The following UBE2Q2 variants were observed in gnomAD, a reference collection of about 807,000 sequenced individuals.
UBE2Q2 encodes the protein ubiquitin conjugating enzyme E2 Q2, also known as ubiquitin-conjugating enzyme E2 Q2.
UBE2Q2 carries 54 observed loss-of-function variants against 59.9 expected under a neutral mutation model. The observed-to-expected ratio is 0.90, with a 90% CI of 0.72 to 1.13. The LOEUF is 1.13. Among genes scored for constraint, UBE2Q2 ranks in the 50% most tolerant of loss-of-function variants. The pLI is 0.00. For missense variants in UBE2Q2, 433 were observed against 441.9 expected (o/e 0.98, Z 0.18); for synonymous variants, 165 against 155.2 (o/e 1.06, Z -0.47).
At chr15:75,892,176 T>C (rs898052166) in intron 11 of UBE2Q2, among the ~76,000 whole-genome samples, 15 of 152,284 alleles carry the variant, frequency 9.9e-5, no homozygotes, top group African/African-American at 3.1e-4. Flanking sequence ...TTGTGCAAGA[T>C]GGTAAAGTGG....
At chr15:75,899,299 A>AT in intron 12 of UBE2Q2, 128 bp from the exon 13 acceptor site, 2 of 287,524 alleles carry the variant, frequency 7.0e-6, no homozygotes, top group Non-Finnish European at 6.1e-6. Context: ...TAATATATAT[A>AT]TATATTTTTT....
chr15:75,899,446 G>T lies in UBE2Q2; in HGVS notation c.1116G>T (p.Lys372Asn). The change falls in exon 13 of 13, where the codon AAG (lysine) becomes AAT (asparagine). Residue 372 changes from lysine to asparagine, a missense_variant. Transcript: ENST00000267938. ...TTTCAGGCTGGTACACCCCTCCAAA[G>T]GAAGATGGCTAAATGTGTTGACTGT... ...HEKNGWYTPP[K>N]EDG The T allele has an allele frequency of 6.3e-7, 1 of 1,592,266 alleles. No homozygotes were observed. Among genetic ancestry groups the T allele is most frequent in the Admixed American group, 1.7e-5 (1 of 57,780 alleles).
At chr15:75,897,834 A>G (rs1013368358) in intron 12 of UBE2Q2, among the ~76,000 whole-genome samples, 1 of 152,092 alleles carries the variant, frequency 6.6e-6, no homozygotes, top group African/African-American at 2.4e-5. Flanking sequence ...CCATGCCTGT[A>G]AAGTATTCTT....
intron 8 of UBE2Q2, among the ~76,000 whole-genome samples, chr15:75,881,592 A>G (rs555795212): frequency 1.3e-5 from 2 of 152,308 alleles, no homozygotes; most frequent in African/African-American, 2.4e-5. Context: ...CCAAGTTATT[A>G]GTATCGGGAT....
rs1388420050 is a variant in UBE2Q2, at chr15:75,883,440, T to G, written c.884+16T>G. 6.3e-7 allele frequency: 1 copy of G among 1,598,664 alleles called. No homozygotes were observed. Among genetic ancestry groups the G allele is most frequent in the East Asian group, 2.2e-5 (1 of 44,738 alleles). ...TCTCAGGAGGGTAAGTTTAAGTGAC[T>G]ACTTAAAAAGAAATTTTTTTCAGTT... is the stretch of plus-strand genomic sequence containing the variant. On this transcript the variant is annotated intron_variant, in intron 9 of 12. Coordinates refer to ENST00000267938, the MANE Select transcript of UBE2Q2 (RefSeq NM_173469.4).
chr15:75,890,529 T>C (rs768080264), intron 10 of UBE2Q2, 46 bp downstream of exon 10: 25 of 1,548,072 alleles, frequency 1.6e-5, no homozygotes, highest in Non-Finnish European at 2.2e-5. Context: ...ATTTAGTGTT[T>C]TGATCATGTA....
At chr15:75,886,526 T>C (rs934787099) in intron 9 of UBE2Q2, among the ~76,000 whole-genome samples, 3 of 152,164 alleles carry the variant, frequency 2.0e-5, no homozygotes, top group Non-Finnish European at 4.4e-5. Flanking sequence ...CAAAATCTTA[T>C]TTGAGAGAAA....
rs934886702 is a variant in UBE2Q2 at position 75,879,109 on chromosome 15, A to G, written c.746A>G (p.Asp249Gly). 6.3e-7 allele frequency: 1 copy of G among 1,581,460 alleles called. No homozygotes were observed. The highest frequency in any genetic ancestry group is 8.6e-7 in the Non-Finnish European group (1 of 1,166,974). The change falls in exon 8 of 13, where the codon GAT (aspartate) becomes GGT (glycine). Residue 249 changes from aspartate to glycine, a missense_variant. Transcript: ENST00000267938. ...TTTGTAATTCTTAGGGTTGACCCTG[A>G]TAGTCCTTTGCACAGTGATCTTCAG... is the stretch of plus-strand genomic sequence containing the variant. ...WHVKLQKVDP[D>G]SPLHSDLQIL... is the part of the protein sequence containing the mutation.
intron 5 of UBE2Q2, among the ~76,000 whole-genome samples, chr15:75,875,201 T>C (rs1020724437): frequency 3.3e-5 from 5 of 152,208 alleles, no homozygotes; most frequent in African/African-American, 1.2e-4. Context: ...ACATTTAGTC[T>C]TCATAGCCAC....
At chr15:75,878,521 C>T (rs1433937727) in intron 7 of UBE2Q2, among the ~76,000 whole-genome samples, 1 of 148,410 alleles carries the variant, frequency 6.7e-6, no homozygotes, top group Non-Finnish European at 1.5e-5. Flanking sequence ...ATCTTGCACT[C>T]CAGACATCAA....
chr15:75,868,112 T>G (rs543214912), intron 3 of UBE2Q2, among the ~76,000 whole-genome samples: 1 of 152,158 alleles, frequency 6.6e-6, no homozygotes, highest in African/African-American at 2.4e-5. Flanking sequence ...TCCATCAGAG[T>G]GTCTAATAAC....
chr15:75,855,574 T>C (rs934376500), intron 2 of UBE2Q2, among the ~76,000 whole-genome samples: 1 of 152,092 alleles, frequency 6.6e-6, no homozygotes, highest in Admixed American at 6.6e-5. Flanking sequence ...TCAGCTGACA[T>C]GATTGTTTAC....
chr15:75,876,123 C>A (rs1051540136), intron 5 of UBE2Q2, 64 bp from the exon 6 acceptor site: 4 of 1,390,640 alleles, frequency 2.9e-6, no homozygotes, highest in Admixed American at 2.0e-5. Context: ...TCTTTTAGAT[C>A]AGGTTGAAAT....
At chr15:75,897,112 T>C in intron 12 of UBE2Q2, 51 bp downstream of exon 12, 1 of 1,186,244 alleles carries the variant, frequency 8.4e-7, no homozygotes, top group Non-Finnish European at 1.2e-6. Flanking sequence ...TTTTAGATAA[T>C]GTATTAATAC....
At chr15:75,855,215 G>T (rs915887888) in intron 2 of UBE2Q2, among the ~76,000 whole-genome samples, 2 of 152,152 alleles carry the variant, frequency 1.3e-5, no homozygotes, top group Admixed American at 1.3e-4. Context: ...TACTGGCCAG[G>T]TGTGGTGGCT....
chr15:75,844,472 C>T, intron 1 of UBE2Q2: 15 of 1,551,522 alleles, frequency 9.7e-6, no homozygotes, highest in Non-Finnish European at 1.3e-5. Flanking sequence ...AGCATAGTAC[C>T]GTCGTTGCGG....
At chr15:75,846,569 G>C (rs906419549) in intron 1 of UBE2Q2, among the ~76,000 whole-genome samples, 1 of 152,140 alleles carries the variant, frequency 6.6e-6, no homozygotes, top group African/African-American at 2.4e-5. Context: ...GACATGGCTT[G>C]TTCATGTCGA....
chr15:75,890,805 A>G, intron 10 of UBE2Q2, 114 bp from the exon 11 acceptor site: 1 of 882,998 alleles, frequency 1.1e-6, no homozygotes, highest in South Asian at 1.7e-5. Flanking sequence ...CCCCTTGACT[A>G]CAGTCTTTTT....
At chr15:75,847,431 A>G (rs1896411099) in intron 1 of UBE2Q2, among the ~76,000 whole-genome samples, 1 of 152,218 alleles carries the variant, frequency 6.6e-6, no homozygotes. Flanking sequence ...GGCCAAGGGA[A>G]TTGAGCTAAT....
Sources: allele counts gnomAD v4.1 joint callset (sites outside exome capture counted in the v4.1 genomes callset), GRCh38; gene constraint gnomAD v4.1.1; transcripts MANE v1.5; gene names NCBI Gene and HGNC (gene_info 2026-07-23, HGNC 2026-07-21).